The following KIF26B variants were observed in gnomAD, a reference collection of about 807,000 sequenced individuals.
The protein encoded by KIF26B is kinesin family member 26B.
KIF26B carries 63 observed loss-of-function variants against 151.2 expected under a neutral mutation model. The ratio of observed to expected loss-of-function variants is 0.42; its 90% CI spans 0.34 to 0.51. KIF26B has a LOEUF of 0.51. Ranked by LOEUF, KIF26B falls within the 20% of genes least tolerant of loss-of-function variation. KIF26B has a pLI of 0.07. For missense variants in KIF26B, 2,813 were observed against 2,913.6 expected (o/e 0.97, Z 0.79); for synonymous variants, 1,357 against 1,262.1 (o/e 1.08, Z -1.59).
intron 4 of KIF26B, among the ~76,000 whole-genome samples, chr1:245,469,323 T>C (rs1411336244): frequency 6.6e-6 from 1 of 152,218 alleles, no homozygotes; most frequent in Non-Finnish European, 1.5e-5. Context: ...ATGAGCTGCC[T>C]TGACTTGAAA....
chr1:245,279,039 G>A lies in KIF26B; in HGVS notation c.466-87795G>A, dbSNP rs902610695. Among the ~76,000 whole-genome samples the A allele has an allele frequency of 5.9e-5, 9 of 152,236 alleles. 1 individual carries two copies. The East Asian group carries it at 7.8e-4, about 13-fold the overall frequency. ...ACGTGTCTGATAGCCAGTTCCTTAC[G>A]AAGCCTCTGTCATGCTTACGGAGCA... On this transcript the variant is annotated intron_variant, in intron 2 of 14. Coordinates refer to ENST00000407071, the MANE Select transcript of KIF26B (RefSeq NM_018012.4).
At chr1:245,194,173 T>A (rs1669154484) in intron 2 of KIF26B, among the ~76,000 whole-genome samples, 1 of 152,182 alleles carries the variant, frequency 6.6e-6, no homozygotes, top group Admixed American at 6.5e-5. Flanking sequence ...GAACCTAATT[T>A]CTACTGCAGT....
chr1:245,444,369 A>C (rs1558168321), intron 4 of KIF26B, among the ~76,000 whole-genome samples: 1 of 152,378 alleles, frequency 6.6e-6, no homozygotes. Flanking sequence ...TTAGAAGCAG[A>C]AGCCCTTGAA....
intron 4 of KIF26B, among the ~76,000 whole-genome samples, chr1:245,436,134 G>A (rs949321432): frequency 1.1e-4 from 17 of 150,670 alleles, no homozygotes; most frequent in South Asian, 2.1e-4. Flanking sequence ...CTGAGATTGC[G>A]TCACTGCACT....
intron 2 of KIF26B, among the ~76,000 whole-genome samples, chr1:245,264,454 G>A (rs1327831760): frequency 1.3e-5 from 2 of 151,878 alleles, no homozygotes; most frequent in Non-Finnish European, 2.9e-5. Context: ...TTTTCTGTTC[G>A]GGCAAACAGA....
At chr1:245,658,893 A>G (rs1242259705) in intron 10 of KIF26B, among the ~76,000 whole-genome samples, 1 of 152,088 alleles carries the variant, frequency 6.6e-6, no homozygotes, top group Non-Finnish European at 1.5e-5. Flanking sequence ...CTTATATTTT[A>G]AATATTTGTT....
At chr1:245,302,198 A>G (rs1025081624) in intron 2 of KIF26B, among the ~76,000 whole-genome samples, 6 of 152,218 alleles carry the variant, frequency 3.9e-5, no homozygotes, top group African/African-American at 1.4e-4. Flanking sequence ...CTTCATAATC[A>G]AGGTCCTGTT....
intron 3 of KIF26B, among the ~76,000 whole-genome samples, chr1:245,390,768 A>C (rs1673665625): frequency 6.6e-6 from 1 of 151,678 alleles, no homozygotes; most frequent in Non-Finnish European, 1.5e-5. Context: ...ACTAATGGTT[A>C]TTTTCCTTTG....
At chr1:245,253,569 C>T (rs1670480738) in intron 2 of KIF26B, among the ~76,000 whole-genome samples, 2 of 151,886 alleles carry the variant, frequency 1.3e-5, no homozygotes, top group African/African-American at 4.8e-5. Flanking sequence ...GGTATGTTTC[C>T]TCTTTTTCTA....
chr1:245,381,701 A>G (rs1673413427), intron 3 of KIF26B, among the ~76,000 whole-genome samples: 1 of 152,088 alleles, frequency 6.6e-6, no homozygotes, highest in Non-Finnish European at 1.5e-5. Flanking sequence ...CCCAAACTGC[A>G]ACTCCACACC....
At position 245,680,570 on chromosome 1, in the gene KIF26B, A is replaced by AT. The variant is rs1487499280; in HGVS notation, c.2259-3661dup. Among the ~76,000 whole-genome samples, 4 of 151,928 alleles carry AT rather than the reference A, an allele frequency of 2.6e-5. No homozygotes were observed. The East Asian group carries it at 5.8e-4, about 22-fold the overall frequency. On this transcript the variant is annotated intron_variant, in intron 10 of 14. Transcript: ENST00000407071. ...TTCGCTATCACGATGTTCTCTCTCA[A>AT]TTCTGTCTTTGGTCTGTCTTCCTGG...
rs150290337 is a variant in KIF26B at position 245,541,725 on chromosome 1, C to T, written c.1350+775C>T. On this transcript the variant is annotated intron_variant, in intron 5 of 14. Transcript: ENST00000407071. ...CCTCACTGGTCCTTTACAGACTTAT[C>T]GTGACTCCGGCCCTGGGCTTCATTT... Among the ~76,000 whole-genome samples the T allele has an allele frequency of 1.2e-3, 178 of 152,252 alleles. 1 individual carries two copies. The highest frequency in any genetic ancestry group is 4.1e-3 in the African/African-American group (172 of 41,540).
intron 2 of KIF26B, among the ~76,000 whole-genome samples, chr1:245,288,566 T>G (rs950984415): frequency 7.9e-5 from 12 of 152,198 alleles, no homozygotes; most frequent in African/African-American, 2.9e-4. Context: ...GATGAAGTCT[T>G]GCCTGACTGT....
At chr1:245,475,754 A>T (rs573094297) in intron 4 of KIF26B, among the ~76,000 whole-genome samples, 2 of 151,982 alleles carry the variant, frequency 1.3e-5, no homozygotes, top group African/African-American at 4.8e-5. Context: ...CATTGGGGGC[A>T]TTTTGAGCAT....
At chr1:245,672,900 A>G (rs2044306403) in intron 10 of KIF26B, among the ~76,000 whole-genome samples, 1 of 152,184 alleles carries the variant, frequency 6.6e-6, no homozygotes, top group Non-Finnish European at 1.5e-5. Context: ...AGATCAATAA[A>G]TATAAATTCC....
chr1:245,187,732 T>G (rs4658720), intron 2 of KIF26B, among the ~76,000 whole-genome samples: 152,249 of 152,268 alleles, frequency 1, 76,115 homozygotes, highest in Non-Finnish European at 1. Flanking sequence ...GAGGGGGAGG[T>G]TGATGAGAGT....
intron 5 of KIF26B, among the ~76,000 whole-genome samples, chr1:245,558,766 T>C (rs1336370313): frequency 6.6e-6 from 1 of 152,226 alleles, no homozygotes; most frequent in Non-Finnish European, 1.5e-5. Flanking sequence ...AACTCATTTA[T>C]TTGCAAAAGG....
At chr1:245,230,260 C>T (rs1669968507) in intron 2 of KIF26B, among the ~76,000 whole-genome samples, 1 of 151,904 alleles carries the variant, frequency 6.6e-6, no homozygotes, top group East Asian at 1.9e-4. Context: ...GCAGAGCTAA[C>T]TCCCAGCTCC....
intron 4 of KIF26B, among the ~76,000 whole-genome samples, chr1:245,485,825 T>C (rs1660269758): frequency 6.6e-6 from 1 of 152,238 alleles, no homozygotes; most frequent in Non-Finnish European, 1.5e-5. Context: ...CACGGTGCCC[T>C]TTCACACGAG....
Sources: allele counts gnomAD v4.1 joint callset (sites outside exome capture counted in the v4.1 genomes callset), GRCh38; gene constraint gnomAD v4.1.1; transcripts MANE v1.5; gene names NCBI Gene and HGNC (gene_info 2026-07-23, HGNC 2026-07-21).